Variants in MAPKAP1 observed in about 807,000 individuals in gnomAD.
MAPKAP1 encodes the protein target of rapamycin complex 2 subunit MAPKAP1.
Under a neutral mutation model 65.7 loss-of-function variants are expected in MAPKAP1, and 20 were observed. The ratio of observed to expected loss-of-function variants is 0.30; its 90% CI spans 0.21 to 0.44. MAPKAP1 has a LOEUF of 0.44. MAPKAP1 is among the 20% of genes least tolerant of loss of function. The pLI, the probability that MAPKAP1 is intolerant of heterozygous loss-of-function variation, is 1.00. For synonymous variants in MAPKAP1, 222 were observed against 244.3 expected, an observed-to-expected ratio of 0.91 and a Z score of 0.85; for missense variants, 423 against 648.0, an observed-to-expected ratio of 0.65 and a Z score of 3.77.
At chr9:125,622,010 T>A (rs1262652921) in intron 4 of MAPKAP1, among the ~76,000 whole-genome samples, 1 of 152,154 alleles carries the variant, frequency 6.6e-6, no homozygotes, top group East Asian at 1.9e-4. Flanking sequence ...GAGGACATTA[T>A]GTTGAGAGAG....
chr9:125,492,917 G>C (rs944712860), intron 8 of MAPKAP1, among the ~76,000 whole-genome samples: 1 of 152,198 alleles, frequency 6.6e-6, no homozygotes, highest in Non-Finnish European at 1.5e-5. Flanking sequence ...CTGTGCTAGT[G>C]CTTCCGGAAT....
chr9:125,591,974 A>C (rs756757990), intron 4 of MAPKAP1, among the ~76,000 whole-genome samples: 2 of 152,238 alleles, frequency 1.3e-5, no homozygotes, highest in Admixed American at 1.3e-4. Context: ...GGGGAAATGG[A>C]GGCATATTTA....
At chr9:125,639,154 C>G (rs1415475211) in intron 4 of MAPKAP1, among the ~76,000 whole-genome samples, 1 of 152,128 alleles carries the variant, frequency 6.6e-6, no homozygotes, top group Non-Finnish European at 1.5e-5. Flanking sequence ...GGCAGGAGAA[C>G]TGCTTGAACC....
intron 5 of MAPKAP1, among the ~76,000 whole-genome samples, chr9:125,582,297 TTAAACA>T (rs1831648326): frequency 6.6e-6 from 1 of 152,240 alleles, no homozygotes; most frequent in Non-Finnish European, 1.5e-5. Flanking sequence ...TTTGGTGAGC[TTAAACA>T]TATTTATTTG....
Position 125,571,593 on chromosome 9 carries a change from A to T in MAPKAP1, c.672-11784T>A, listed in dbSNP as rs192577310. ...CTGATCCGGCCAGGTGCAGTGGCTCATGCCTGTAATCCTAGCACTTTGGGA... is the reference window on the plus strand; with the variant it reads ...CTGATCCGGCCAGGTGCAGTGGCTCTTGCCTGTAATCCTAGCACTTTGGGA... On this transcript the variant is annotated intron_variant, in intron 5 of 11. Coordinates refer to ENST00000265960, the MANE Select transcript of MAPKAP1 (RefSeq NM_001006617.3). Among the ~76,000 whole-genome samples the T allele has an allele frequency of 7.2e-5, 11 of 152,326 alleles. No individual in the cohort carries two copies. The East Asian group carries it at 2.1e-3, about 29-fold the overall frequency.
intron 10 of MAPKAP1, among the ~76,000 whole-genome samples, chr9:125,465,105 G>A (rs943151158): frequency 1.4e-4 from 21 of 152,088 alleles, no homozygotes; most frequent in African/African-American, 4.6e-4. Context: ...CACACGTTCC[G>A]GTCTTCGGCA....
At chr9:125,471,293 T>C (rs1853912512) in intron 9 of MAPKAP1, 1 of 152,392 alleles carries the variant, frequency 6.6e-6, no homozygotes, top group Admixed American at 6.5e-5. Context: ...CAGAGGCCTC[T>C]CTGTCCTTGG....
chr9:125,569,069 T>C (rs1175554476), intron 5 of MAPKAP1, among the ~76,000 whole-genome samples: 1 of 152,238 alleles, frequency 6.6e-6, no homozygotes, highest in Non-Finnish European at 1.5e-5. Flanking sequence ...TTAGAACACC[T>C]GTAAGCCCAC....
intron 8 of MAPKAP1, among the ~76,000 whole-genome samples, chr9:125,498,024 G>A (rs1828859434): frequency 6.6e-6 from 1 of 152,192 alleles, no homozygotes; most frequent in Admixed American, 6.5e-5. Flanking sequence ...TGGAAGTCTT[G>A]TAATGTTACA....
intron 8 of MAPKAP1, among the ~76,000 whole-genome samples, chr9:125,489,153 C>G (rs544852255): frequency 6.6e-6 from 1 of 152,156 alleles, no homozygotes; most frequent in East Asian, 1.9e-4. Context: ...GCAGAGAGAA[C>G]CAGAACATCT....
At chr9:125,691,971 T>C (rs1226665662) in intron 1 of MAPKAP1, among the ~76,000 whole-genome samples, 3 of 152,196 alleles carry the variant, frequency 2.0e-5, no homozygotes, top group Non-Finnish European at 4.4e-5. Context: ...GTGGAATTCC[T>C]AGAGCCTAGG....
intron 3 of MAPKAP1, among the ~76,000 whole-genome samples, chr9:125,662,984 T>C (rs1459440691): frequency 2.6e-5 from 4 of 152,210 alleles, no homozygotes; most frequent in Non-Finnish European, 4.4e-5. Context: ...CTGTTCATTG[T>C]TGAAGCTGGC....
At chr9:125,561,014 C>T (rs1830877688) in intron 5 of MAPKAP1, among the ~76,000 whole-genome samples, 1 of 152,230 alleles carries the variant, frequency 6.6e-6, no homozygotes. Flanking sequence ...ATGCTAGCTT[C>T]AGAAGCAGGA....
intron 4 of MAPKAP1, among the ~76,000 whole-genome samples, chr9:125,625,423 A>G (rs1444466389): frequency 6.6e-6 from 1 of 152,064 alleles, no homozygotes; most frequent in Non-Finnish European, 1.5e-5. Context: ...AAAAACAAAA[A>G]AACAAAACAA....
chr9:125,685,811 G>A (rs7031865), intron 1 of MAPKAP1, among the ~76,000 whole-genome samples: 13 of 152,060 alleles, frequency 8.5e-5, no homozygotes, highest in Non-Finnish European at 1.5e-5. Flanking sequence ...TAGACAACAG[G>A]TGCATCTTTC....
At chr9:125,559,593 G>A (rs763705171) in intron 6 of MAPKAP1, 40 bp downstream of exon 6, 1 of 1,555,894 alleles carries the variant, frequency 6.4e-7, no homozygotes, top group South Asian at 1.2e-5. Context: ...CTAGAAGGTT[G>A]GGATGAGATA....
intron 3 of MAPKAP1, among the ~76,000 whole-genome samples, chr9:125,663,322 C>T (rs182794458): frequency 2.0e-5 from 3 of 152,306 alleles, no homozygotes; most frequent in Admixed American, 1.3e-4. Context: ...GCTATTTCCT[C>T]CTCTTAGAAC....
intron 3 of MAPKAP1, among the ~76,000 whole-genome samples, chr9:125,667,307 G>C (rs1011854759): frequency 9.2e-5 from 14 of 152,084 alleles, no homozygotes; most frequent in African/African-American, 3.4e-4. Context: ...ACCTATATTT[G>C]ATGTACTCTA....
chr9:125,567,089 A>AT (rs1165906742), intron 5 of MAPKAP1, among the ~76,000 whole-genome samples: 4 of 152,118 alleles, frequency 2.6e-5, no homozygotes, highest in Non-Finnish European at 4.4e-5. Context: ...CTCCATATTG[A>AT]GTTCAGCCCA....
Sources: allele counts gnomAD v4.1 joint callset (sites outside exome capture counted in the v4.1 genomes callset), GRCh38; gene constraint gnomAD v4.1.1; transcripts MANE v1.5; gene names NCBI Gene and HGNC (gene_info 2026-07-23, HGNC 2026-07-21).